The following GC variants were observed in gnomAD, a reference collection of about 807,000 sequenced individuals.
GC encodes GC vitamin D binding protein.
A neutral mutation model predicts 56.7 loss-of-function variants in GC; 43 were observed. The observed-to-expected ratio is 0.76, with a 90% CI of 0.59 to 0.98. GC has a LOEUF of 0.98. Among genes scored for constraint, GC ranks in the 50% least tolerant of loss-of-function variants. The probability of loss-of-function intolerance (pLI) is 0.00; values close to 1 mark genes in which losing one functional copy is unlikely to be tolerated. For synonymous variants in GC, 216 were observed against 202.7 expected (o/e 1.07, Z -0.56); for missense variants, 529 against 545.9 (o/e 0.97, Z 0.31).
rs560566627 is a variant in GC at position 71,741,852 on chromosome 4, G to A, written c.*44C>T. On this transcript the variant is annotated 3_prime_UTR_variant, in exon 13 of 13. Coordinates refer to ENST00000273951, the MANE Select transcript of GC (RefSeq NM_000583.4). ...TTAGGTCATCAGAGATCATTCCCCT[G>A]GGTGGCTCCAACTCTGGTCTATGAG... The A allele has an allele frequency of 1.2e-4, 81 of 702,920 alleles. 2 individuals carry two copies. Among genetic ancestry groups the A allele is most frequent in the South Asian group, 1.1e-3 (73 of 67,598 alleles). 43.5% of individuals were successfully genotyped at this position (702,920 alleles called of 1,614,324 possible). A position where few individuals can be genotyped will look rare whatever the true frequency, so the allele number is the denominator to read the frequency against.
intron 1 of GC, among the ~76,000 whole-genome samples, chr4:71,797,762 G>T (rs1316139263): frequency 2.6e-5 from 4 of 152,192 alleles, no homozygotes; most frequent in Non-Finnish European, 5.9e-5. Context: ...CAATCACACT[G>T]GGAGCTGCAG....
intron 11 of GC, among the ~76,000 whole-genome samples, chr4:71,750,985 G>T (rs897621465): frequency 6.6e-6 from 1 of 152,144 alleles, no homozygotes; most frequent in Admixed American, 6.5e-5. Context: ...GCATAGAATT[G>T]TTCCTAACCC....
At chr4:71,747,225 A>G (rs1243363002) in intron 11 of GC, among the ~76,000 whole-genome samples, 2 of 152,178 alleles carry the variant, frequency 1.3e-5, no homozygotes, top group Non-Finnish European at 2.9e-5. Flanking sequence ...GGGACAAGAT[A>G]TTGGGGGAGA....
intron 1 of GC, chr4:71,803,797 A>G: frequency 1.5e-6 from 1 of 668,688 alleles, no homozygotes; most frequent in Non-Finnish European, 2.7e-6. Flanking sequence ...TATATTTTTA[A>G]TTTTATTTGC....
intron 2 of GC, among the ~76,000 whole-genome samples, chr4:71,768,848 T>G (rs2149301990): frequency 6.6e-6 from 1 of 152,368 alleles, no homozygotes; most frequent in South Asian, 2.1e-4. Flanking sequence ...ACACATTTAC[T>G]TCTTTATTTG....
intron 1 of GC, among the ~76,000 whole-genome samples, chr4:71,775,891 G>T (rs1742493117): frequency 6.6e-6 from 1 of 151,874 alleles, no homozygotes; most frequent in Non-Finnish European, 1.5e-5. Context: ...TGGCCAACAG[G>T]TTTATAAAAA....
chr4:71,778,127 C>T (rs1363297598), intron 1 of GC, among the ~76,000 whole-genome samples: 2 of 151,800 alleles, frequency 1.3e-5, no homozygotes, highest in Non-Finnish European at 2.9e-5. Flanking sequence ...ACATAACACT[C>T]CTTGTATATT....
intron 1 of GC, among the ~76,000 whole-genome samples, chr4:71,780,884 G>A (rs1286286901): frequency 6.6e-6 from 1 of 151,980 alleles, no homozygotes; most frequent in Non-Finnish European, 1.5e-5. Flanking sequence ...CTTATTACTG[G>A]GTATATACCC....
intron 11 of GC, among the ~76,000 whole-genome samples, chr4:71,746,772 TAA>T (rs34865299): frequency 3.6e-4 from 36 of 100,644 alleles, no homozygotes; most frequent in Admixed American, 7.0e-4. Context: ...CTCTATTTTG[TAA>T]AAAAAAAAAA....
At chr4:71,782,823 TA>T (rs1742726238) in intron 1 of GC, among the ~76,000 whole-genome samples, 1 of 151,748 alleles carries the variant, frequency 6.6e-6, no homozygotes, top group African/African-American at 2.4e-5. Context: ...GAATAAGACT[TA>T]AAGGGATTTC....
chr4:71,743,542 C>T (rs1741255526), intron 12 of GC, among the ~76,000 whole-genome samples: 1 of 152,140 alleles, frequency 6.6e-6, no homozygotes, highest in South Asian at 2.1e-4. Context: ...GGGGGCAATG[C>T]TGCTGATAGT....
upstream of GC, among the ~76,000 whole-genome samples, chr4:71,787,164 A>G (rs111725472): frequency 1.7e-4 from 26 of 151,976 alleles, 2 homozygotes; most frequent in African/African-American, 6.3e-4. Context: ...CCCCTCTGTT[A>G]CTGTCATTAT....
At chr4:71,746,784 A>AAAAAAAAAACAAAACAAAC (rs1560688424) in intron 11 of GC, among the ~76,000 whole-genome samples, 6 of 150,886 alleles carry the variant, frequency 4.0e-5, no homozygotes, top group African/African-American at 1.5e-4. Flanking sequence ...AAAAAAAAAA[A>AAAAAAAAAACAAAACAAAC]AAAAAAAAAA....
intron 3 of GC, among the ~76,000 whole-genome samples, chr4:71,767,406 G>A (rs1375923425): frequency 6.6e-6 from 1 of 151,930 alleles, no homozygotes; most frequent in Non-Finnish European, 1.5e-5. Context: ...TTTTGCATAA[G>A]TGCTATAGGG....
chr4:71,764,422 A>G (rs1560698940), intron 4 of GC, among the ~76,000 whole-genome samples: 2 of 152,350 alleles, frequency 1.3e-5, no homozygotes, highest in Non-Finnish European at 2.9e-5. Context: ...ATATTCATTC[A>G]TTAAAAATAG....
chr4:71,789,534 G>A (rs1742921988), intron 1 of GC, among the ~76,000 whole-genome samples: 1 of 151,862 alleles, frequency 6.6e-6, no homozygotes, highest in African/African-American at 2.4e-5. Flanking sequence ...AATATTAGAT[G>A]ATCTAATAGA....
chr4:71,777,013 C>A (rs1742528298), intron 1 of GC, among the ~76,000 whole-genome samples: 1 of 151,850 alleles, frequency 6.6e-6, no homozygotes, highest in African/African-American at 2.4e-5. Flanking sequence ...TGAAGTCCAA[C>A]AGATTGCATT....
intron 4 of GC, 40 bp downstream of exon 4, chr4:71,765,392 C>T (rs779823174): frequency 3.4e-6 from 5 of 1,490,374 alleles, no homozygotes; most frequent in East Asian, 2.3e-5. Flanking sequence ...ATTTCTGATA[C>T]TTTAGGTCCT....
intron 5 of GC, 60 bp from the exon 6 acceptor site, chr4:71,763,562 T>A: frequency 9.9e-7 from 1 of 1,008,260 alleles, no homozygotes; most frequent in South Asian, 1.4e-5. Flanking sequence ...ACTGTATAAA[T>A]GGCAAAAATA....
Sources: gnomAD v4.1 joint callset for allele counts (sites outside exome capture counted in the v4.1 genomes callset) on GRCh38, gnomAD v4.1.1 for gene constraint, MANE v1.5 for transcripts, NCBI Gene and HGNC (gene_info 2026-07-23, HGNC 2026-07-21) for gene names.